Variants in GABBR2 observed in about 807,000 individuals in gnomAD.
The protein encoded by GABBR2 is G-protein coupled receptor 51.
Under a neutral mutation model 105.6 loss-of-function variants are expected in GABBR2, and 23 were observed. The observed-to-expected ratio is 0.22, with a 90% CI of 0.16 to 0.31. The LOEUF is 0.31. Among genes scored for constraint, GABBR2 ranks in the 10% least tolerant of loss-of-function variants. GABBR2 has a pLI of 1.00. For missense variants in GABBR2, 734 were observed against 1,245.5 expected, an observed-to-expected ratio of 0.59 and a Z score of 6.18; for synonymous variants, 478 against 499.7, an observed-to-expected ratio of 0.96 and a Z score of 0.58.
At chr9:98,687,171 C>A (rs1002611597) in intron 1 of GABBR2, among the ~76,000 whole-genome samples, 1 of 151,478 alleles carries the variant, frequency 6.6e-6, no homozygotes. Flanking sequence ...GGGCAAGAGA[C>A]CTCAGTCTAG....
At chr9:98,561,305 AC>A (rs1828671062) in intron 2 of GABBR2, among the ~76,000 whole-genome samples, 1 of 145,488 alleles carries the variant, frequency 6.9e-6, no homozygotes, top group Non-Finnish European at 1.5e-5. Flanking sequence ...AAAAAAAAAA[AC>A]CGTGAAGGAA....
rs766801127 is a variant in GABBR2, at chr9:98,299,600, T to G, written c.2413-247A>C. Among the ~76,000 whole-genome samples the G allele has an allele frequency of 1.8e-3, 275 of 152,146 alleles. 4 individuals carry two copies. Among genetic ancestry groups the G allele is most frequent in the Non-Finnish European group, 5.6e-4 (38 of 68,032 alleles). On this transcript the variant is annotated intron_variant, in intron 16 of 18. Transcript: ENST00000259455. The stretch of plus-strand genomic sequence containing the variant: ...ATGTGTTCAGTGTAGGCTTGGGCCT[T>G]GATGAAGCAGACAAGCAAGCTCAGG...
At chr9:98,368,678 T>C (rs1831725174) in intron 12 of GABBR2, among the ~76,000 whole-genome samples, 1 of 152,248 alleles carries the variant, frequency 6.6e-6, no homozygotes, top group African/African-American at 2.4e-5. Flanking sequence ...CAGATGACCA[T>C]AGGGATGAAT....
chr9:98,655,668 G>C (rs1224595880), intron 1 of GABBR2, among the ~76,000 whole-genome samples: 2 of 152,214 alleles, frequency 1.3e-5, no homozygotes, highest in Non-Finnish European at 2.9e-5. Context: ...AAAAAAGGAT[G>C]AGTTCATGTC....
At chr9:98,673,984 A>G (rs768835040) in intron 1 of GABBR2, among the ~76,000 whole-genome samples, 7 of 152,064 alleles carry the variant, frequency 4.6e-5, no homozygotes, top group Non-Finnish European at 8.8e-5. Context: ...CCCCACATCA[A>G]TCCTCTAGGG....
At chr9:98,334,456 C>T (rs1831080521) in intron 13 of GABBR2, among the ~76,000 whole-genome samples, 1 of 152,212 alleles carries the variant, frequency 6.6e-6, no homozygotes, top group African/African-American at 2.4e-5. Context: ...GTCAGGTCAC[C>T]TACTCAGCTT....
At chr9:98,543,964 G>A (rs1828355964) in intron 2 of GABBR2, among the ~76,000 whole-genome samples, 1 of 151,852 alleles carries the variant, frequency 6.6e-6, no homozygotes, top group African/African-American at 2.4e-5. Flanking sequence ...CTCTTACTCT[G>A]AGATTATAAA....
intron 12 of GABBR2, among the ~76,000 whole-genome samples, chr9:98,367,422 A>G (rs1471646850): frequency 6.6e-6 from 1 of 152,066 alleles, no homozygotes; most frequent in Non-Finnish European, 1.5e-5. Flanking sequence ...TTCCTAGAGG[A>G]GTCAAATTCA....
At chr9:98,614,251 C>T (rs34692225) in intron 1 of GABBR2, among the ~76,000 whole-genome samples, 29,034 of 152,134 alleles carry the variant, frequency 0.19, 3,071 homozygotes, top group South Asian at 0.27. Context: ...AGGCTGGGCG[C>T]GGTGGCTCAC....
At chr9:98,417,214 G>A (rs1401428536) in intron 7 of GABBR2, among the ~76,000 whole-genome samples, 1 of 152,242 alleles carries the variant, frequency 6.6e-6, no homozygotes, top group East Asian at 1.9e-4. Flanking sequence ...GGTGGGCCAA[G>A]GAGCAGGATC....
chr9:98,501,021 G>GA (rs1362265080), intron 3 of GABBR2, among the ~76,000 whole-genome samples: 1 of 151,940 alleles, frequency 6.6e-6, no homozygotes, highest in Non-Finnish European at 1.5e-5. Context: ...ATAATTGTGA[G>GA]AAAAAAATTT....
At chr9:98,691,470 C>T (rs1830681367) in intron 1 of GABBR2, among the ~76,000 whole-genome samples, 1 of 152,234 alleles carries the variant, frequency 6.6e-6, no homozygotes, top group South Asian at 2.1e-4. Flanking sequence ...CCTTGCCCAG[C>T]TCTCCGTTGA....
In GABBR2 at chr9:98,300,029, A is replaced by AT. The variant is rs530073574; in HGVS notation, c.2413-677dup. On this transcript the variant is annotated intron_variant, in intron 16 of 18. Coordinates refer to ENST00000259455, the MANE Select transcript of GABBR2 (RefSeq NM_005458.8). ...ACGTGCATGCTACCATGTCTGGCTA[A>AT]TTTTTTTTTTTTTTGGTAGAGATGG... Among the ~76,000 whole-genome samples, 199 of 141,124 alleles carry AT rather than the reference A, an allele frequency of 1.4e-3. 1 individual carries two copies. The highest frequency in any genetic ancestry group is 4.1e-3 in the East Asian group (20 of 4,922). 92.6% of individuals were successfully genotyped at this position (141,124 alleles called of 152,430 possible). A position where few individuals can be genotyped will look rare whatever the true frequency, so the allele number is the denominator to read the frequency against.
At chr9:98,526,057 C>T (rs1827950373) in intron 3 of GABBR2, among the ~76,000 whole-genome samples, 1 of 152,092 alleles carries the variant, frequency 6.6e-6, no homozygotes, top group Admixed American at 6.5e-5. Flanking sequence ...ATGAAATATT[C>T]TCAAATTACA....
chr9:98,676,906 T>C (rs1374431207), intron 1 of GABBR2, among the ~76,000 whole-genome samples: 1 of 152,212 alleles, frequency 6.6e-6, no homozygotes, highest in East Asian at 1.9e-4. Flanking sequence ...AACAGATCTT[T>C]ACACTATTAT....
At chr9:98,596,066 A>C (rs1034160) in intron 1 of GABBR2, among the ~76,000 whole-genome samples, 108,215 of 152,142 alleles carry the variant, frequency 0.71, 38,515 homozygotes, top group East Asian at 0.78. Flanking sequence ...GCCCATGGAG[A>C]CCCTGTCTCC....
intron 13 of GABBR2, among the ~76,000 whole-genome samples, chr9:98,318,738 C>T (rs1564014800): frequency 6.6e-6 from 1 of 152,212 alleles, no homozygotes; most frequent in African/African-American, 2.4e-5. Context: ...CACCTTCTGA[C>T]CAGCTCCCAG....
rs185013237 is a variant in GABBR2, at chr9:98,527,518, C to A, written c.630+14355G>T. 3.6e-3 allele frequency among the ~76,000 whole-genome samples: 546 copies of A among 152,176 alleles called. 2 individuals carry two copies. Among genetic ancestry groups the A allele is most frequent in the Non-Finnish European group, 6.3e-3 (429 of 68,016 alleles). ...ATAATAGGAGTTCAATGTAGCCAGTCATAAGATGTGGATATATACATCAAT... is the reference window on the plus strand; with the variant it reads ...ATAATAGGAGTTCAATGTAGCCAGTAATAAGATGTGGATATATACATCAAT... On this transcript the variant is annotated intron_variant, in intron 3 of 18. Transcript: ENST00000259455.
At chr9:98,494,411 G>A (rs1417441524) in intron 4 of GABBR2, among the ~76,000 whole-genome samples, 1 of 152,208 alleles carries the variant, frequency 6.6e-6, no homozygotes, top group African/African-American at 2.4e-5. Context: ...AGCTGTGCAG[G>A]TGTCTGGGTG....
Sources: gnomAD v4.1 joint callset for allele counts (sites outside exome capture counted in the v4.1 genomes callset) on GRCh38, gnomAD v4.1.1 for gene constraint, MANE v1.5 for transcripts, NCBI Gene and HGNC (gene_info 2026-07-23, HGNC 2026-07-21) for gene names.